Variants in PTPRM observed in about 807,000 individuals in gnomAD.
PTPRM encodes receptor-type tyrosine-protein phosphatase mu.
A neutral mutation model predicts 186.7 loss-of-function variants in PTPRM; 47 were observed. The observed-to-expected ratio is 0.25, with a 90% CI of 0.20 to 0.32. PTPRM has a LOEUF of 0.32. Among genes scored for constraint, PTPRM ranks in the 10% least tolerant of loss-of-function variants. The pLI is 1.00. For missense variants in PTPRM, 1,494 were observed against 1,865.0 expected (o/e 0.80, Z 3.66); for synonymous variants, 668 against 674.9 (o/e 0.99, Z 0.16).
intron 1 of PTPRM, among the ~76,000 whole-genome samples, chr18:7,633,014 T>C (rs2038227267): frequency 1.3e-5 from 2 of 152,124 alleles, no homozygotes; most frequent in Admixed American, 1.3e-4. Flanking sequence ...AGTATGTCAT[T>C]ACAGCAGCAG....
At chr18:8,221,029 A>C (rs754145065) in intron 14 of PTPRM, among the ~76,000 whole-genome samples, 1 of 152,222 alleles carries the variant, frequency 6.6e-6, no homozygotes, top group Admixed American at 6.5e-5. Context: ...CCCTTGAAAA[A>C]TAGAGGCACT....
At chr18:7,937,777 T>G (rs1354663808) in intron 5 of PTPRM, among the ~76,000 whole-genome samples, 1 of 152,204 alleles carries the variant, frequency 6.6e-6, no homozygotes, top group African/African-American at 2.4e-5. Flanking sequence ...GTTATAATTA[T>G]TGTTGTCATC....
intron 14 of PTPRM, among the ~76,000 whole-genome samples, chr18:8,153,043 C>CA (rs1326432913): frequency 1.3e-5 from 2 of 152,150 alleles, no homozygotes; most frequent in Non-Finnish European, 2.9e-5. Context: ...GTCCATTCCC[C>CA]ACCTCAATGT....
chr18:7,663,258 A>G (rs1439650440), intron 1 of PTPRM, among the ~76,000 whole-genome samples: 2 of 152,234 alleles, frequency 1.3e-5, no homozygotes, highest in Non-Finnish European at 2.9e-5. Context: ...GTTTACTGCC[A>G]GTATTTTAAA....
chr18:7,927,941 C>G (rs1276040260), intron 5 of PTPRM, among the ~76,000 whole-genome samples: 1 of 151,944 alleles, frequency 6.6e-6, no homozygotes, highest in Non-Finnish European at 1.5e-5. Context: ...TGGATTCTCC[C>G]TTGTTGCCCA....
At chr18:8,026,712 G>A (rs2085593495) in intron 7 of PTPRM, among the ~76,000 whole-genome samples, 1 of 152,084 alleles carries the variant, frequency 6.6e-6, no homozygotes, top group Non-Finnish European at 1.5e-5. Flanking sequence ...CAAAAAATTA[G>A]CCAGGTGTGG....
intron 2 of PTPRM, among the ~76,000 whole-genome samples, chr18:7,775,484 T>A (rs560484036): frequency 6.6e-6 from 1 of 152,136 alleles, no homozygotes; most frequent in African/African-American, 2.4e-5. Flanking sequence ...ACAGCTGTGC[T>A]CCTCCTGTGG....
chr18:7,988,401 G>C (rs1218808814), intron 7 of PTPRM, among the ~76,000 whole-genome samples: 3 of 151,764 alleles, frequency 2.0e-5, no homozygotes, highest in Non-Finnish European at 4.4e-5. Context: ...ATTTTTTATT[G>C]TAATAAAGTA....
At chr18:7,890,025 C>A (rs912657553) in intron 3 of PTPRM, among the ~76,000 whole-genome samples, 5 of 152,218 alleles carry the variant, frequency 3.3e-5, no homozygotes, top group Non-Finnish European at 7.3e-5. Flanking sequence ...TCCTGTGACA[C>A]AAGAGCATCC....
rs539380014 is a variant in PTPRM, at chr18:7,820,405, A to G, written c.196+46134A>G. On this transcript the variant is annotated intron_variant, in intron 2 of 32. Transcript: ENST00000580170. ...CAACTGAATAAAAGGTCATTATCCT[A>G]GAATGTGGCCTCTGCAAGTCTTCAG... 4.6e-5 allele frequency among the ~76,000 whole-genome samples: 7 copies of G among 152,348 alleles called. No homozygotes were observed. The South Asian group carries it at 1.2e-3, about 27-fold the overall frequency.
At chr18:7,937,071 G>A (rs572418239) in intron 5 of PTPRM, among the ~76,000 whole-genome samples, 48 of 152,274 alleles carry the variant, frequency 3.2e-4, no homozygotes, top group African/African-American at 1.1e-3. Flanking sequence ...TAAAGCTCCT[G>A]TTCACCTTAC....
chr18:8,288,964 C>A (rs1197950566), intron 19 of PTPRM, among the ~76,000 whole-genome samples: 4 of 152,116 alleles, frequency 2.6e-5, no homozygotes, highest in Non-Finnish European at 5.9e-5. Context: ...AACCAGAAAT[C>A]CTTGGTGGCT....
intron 14 of PTPRM, among the ~76,000 whole-genome samples, chr18:8,198,783 A>G (rs1217638215): frequency 2.0e-5 from 3 of 152,214 alleles, no homozygotes; most frequent in African/African-American, 7.2e-5. Context: ...CATATTGCCC[A>G]GTTAGATGGG....
chr18:8,272,591 A>G (rs769434687), intron 19 of PTPRM, among the ~76,000 whole-genome samples: 3 of 152,136 alleles, frequency 2.0e-5, no homozygotes, highest in Non-Finnish European at 4.4e-5. Flanking sequence ...TTATGAGTGT[A>G]TATTTTAGTT....
chr18:7,768,429 G>A (rs146050318), intron 1 of PTPRM, among the ~76,000 whole-genome samples: 2,663 of 152,246 alleles, frequency 0.017, 18 homozygotes, highest in Non-Finnish European at 0.025. Context: ...GGAGATCAAG[G>A]CTATAGTGAG....
intron 7 of PTPRM, among the ~76,000 whole-genome samples, chr18:8,000,897 A>G (rs900015835): frequency 6.6e-6 from 1 of 152,224 alleles, no homozygotes; most frequent in East Asian, 1.9e-4. Context: ...AGTGGCAGGC[A>G]CTTGAATAAA....
At chr18:8,086,703 C>G (rs2090451491) in intron 10 of PTPRM, among the ~76,000 whole-genome samples, 1 of 151,924 alleles carries the variant, frequency 6.6e-6, no homozygotes, top group Admixed American at 6.6e-5. Context: ...ATCTCTCATT[C>G]CTTGTTTTGT....
At chr18:8,039,849 G>A in intron 7 of PTPRM, among the ~76,000 whole-genome samples, 1 of 152,130 alleles carries the variant, frequency 6.6e-6, no homozygotes, top group East Asian at 1.9e-4. Flanking sequence ...ATGTAGATAA[G>A]GCTGGAGAAG....
intron 7 of PTPRM, among the ~76,000 whole-genome samples, chr18:7,997,807 G>T (rs1170908902): frequency 6.6e-6 from 1 of 152,166 alleles, no homozygotes; most frequent in African/African-American, 2.4e-5. Flanking sequence ...TTAGAGAAGT[G>T]CAGATCAAAA....
Sources: allele counts gnomAD v4.1 joint callset (sites outside exome capture counted in the v4.1 genomes callset), GRCh38; gene constraint gnomAD v4.1.1; transcripts MANE v1.5; gene names NCBI Gene and HGNC (gene_info 2026-07-23, HGNC 2026-07-21).